Variants in RABGAP1L observed in about 807,000 individuals in gnomAD.
RABGAP1L encodes the protein rab GTPase-activating protein 1-like.
In RABGAP1L, 63 loss-of-function variants were observed where a neutral mutation model predicts 137.7. The ratio of observed to expected loss-of-function variants is 0.46; its 90% CI spans 0.37 to 0.56. The LOEUF (loss-of-function observed/expected upper bound fraction) is 0.56. Among genes scored for constraint, RABGAP1L ranks in the 20% least tolerant of loss-of-function variants. The probability of loss-of-function intolerance (pLI) is 0.00; values close to 1 mark genes in which losing one functional copy is unlikely to be tolerated. For missense variants in RABGAP1L, 1,095 were observed against 1,244.0 expected (o/e 0.88, Z 1.80); for synonymous variants, 431 against 433.7 (o/e 0.99, Z 0.08).
At chr1:174,879,319 C>T (rs1202925519) in intron 19 of RABGAP1L, among the ~76,000 whole-genome samples, 3 of 152,072 alleles carry the variant, frequency 2.0e-5, no homozygotes, top group African/African-American at 4.8e-5. Flanking sequence ...AGGGTGGGCT[C>T]AAGCTCTTGA....
rs146942141 is a variant in RABGAP1L at position 174,967,052 on chromosome 1, T to C, written c.2434-2225T>C. On this transcript the variant is annotated intron_variant, in intron 20 of 25. Coordinates refer to ENST00000681986, the MANE Select transcript of RABGAP1L (RefSeq NM_001366446.1). ...ATAAAGAAAATTCACTACCTACAGT[T>C]AATATTGGTTGTTTATATTGTTACA... Among the ~76,000 whole-genome samples the C allele has an allele frequency of 8.0e-4, 122 of 152,252 alleles. 1 individual carries two copies. The highest frequency in any genetic ancestry group is 2.7e-3 in the African/African-American group (114 of 41,558).
At chr1:174,276,009 T>TA (rs1169840820) in intron 9 of RABGAP1L, 74 bp downstream of exon 9, 74 of 1,269,286 alleles carry the variant, frequency 5.8e-5, no homozygotes, top group Non-Finnish European at 6.9e-5. Context: ...TGTCATGTTT[T>TA]AAAAAAAATT....
Position 174,327,980 on chromosome 1 carries a change from CACACACATATATATATATATATATAT to C in RABGAP1L, c.1465+22855_1465+22880del, listed in dbSNP as rs1680622758. On this transcript the variant is annotated intron_variant, in intron 11 of 25. Transcript: ENST00000681986. ...AAATATATATATATATATATATATA[CACACACATATATATATATATATATAT>C]ATATATATATATATATATACCCAAC... Among the ~76,000 whole-genome samples the C allele has an allele frequency of 1.5e-3, 159 of 105,910 alleles. 6 individuals are homozygous for C. Among genetic ancestry groups the C allele is most frequent in the African/African-American group, 5.8e-3 (142 of 24,276 alleles). The allele number at this position is 105,910 out of a possible 152,430, so 69.5% of individuals were successfully genotyped here. A position where few individuals can be genotyped will look rare whatever the true frequency, so the allele number is the denominator to read the frequency against.
intron 13 of RABGAP1L, among the ~76,000 whole-genome samples, chr1:174,572,387 T>C (rs1171018813): frequency 6.6e-6 from 1 of 152,094 alleles, no homozygotes; most frequent in Non-Finnish European, 1.5e-5. Context: ...ATGTTGTTTT[T>C]GTTTGTTTGT....
At chr1:174,168,834 C>T (rs1665120403) in intron 1 of RABGAP1L, among the ~76,000 whole-genome samples, 1 of 152,116 alleles carries the variant, frequency 6.6e-6, no homozygotes. Flanking sequence ...TGAGGCTAGG[C>T]CTCTTAAGTT....
chr1:174,583,074 T>C (rs530325078), intron 13 of RABGAP1L, among the ~76,000 whole-genome samples: 2 of 152,208 alleles, frequency 1.3e-5, no homozygotes, highest in Non-Finnish European at 2.9e-5. Context: ...TTAACTCTTA[T>C]ATTTCCCAAG....
At chr1:174,434,802 G>GT (rs971549491) in intron 13 of RABGAP1L, among the ~76,000 whole-genome samples, 1 of 151,930 alleles carries the variant, frequency 6.6e-6, no homozygotes, top group African/African-American at 2.4e-5. Flanking sequence ...GTGTCTTCCA[G>GT]TTTTTTCACC....
intron 14 of RABGAP1L, among the ~76,000 whole-genome samples, chr1:174,649,610 T>C (rs1284741095): frequency 6.6e-6 from 1 of 152,010 alleles, no homozygotes; most frequent in Non-Finnish European, 1.5e-5. Flanking sequence ...TAACCCGACC[T>C]TTCACTCATG....
chr1:174,853,627 A>G (rs1309484298), intron 19 of RABGAP1L, among the ~76,000 whole-genome samples: 1 of 152,170 alleles, frequency 6.6e-6, no homozygotes, highest in African/African-American at 2.4e-5. Flanking sequence ...GCTACTCGGG[A>G]GGCTGAGACA....
chr1:174,896,351 A>G (rs1406632459), intron 19 of RABGAP1L, among the ~76,000 whole-genome samples: 2 of 152,186 alleles, frequency 1.3e-5, no homozygotes, highest in African/African-American at 4.8e-5. Flanking sequence ...CCTTTGTCAG[A>G]TGAGTAGATT....
chr1:174,478,274 TGTG>T (rs1453767246), intron 13 of RABGAP1L, among the ~76,000 whole-genome samples: 1 of 151,344 alleles, frequency 6.6e-6, no homozygotes, highest in Non-Finnish European at 1.5e-5. Flanking sequence ...TTTTCGGAGG[TGTG>T]TGTGTGTGGT....
chr1:174,959,822 A>C (rs1026194986), intron 20 of RABGAP1L, among the ~76,000 whole-genome samples: 3 of 152,198 alleles, frequency 2.0e-5, no homozygotes, highest in African/African-American at 7.2e-5. Flanking sequence ...TAAGTTTCTA[A>C]CCATCAACAT....
At chr1:174,339,630 G>A (rs550535560) in intron 11 of RABGAP1L, among the ~76,000 whole-genome samples, 12 of 150,946 alleles carry the variant, frequency 7.9e-5, no homozygotes, top group African/African-American at 1.9e-4. Flanking sequence ...TTTTTGAGAC[G>A]GAGTCTCACT....
chr1:174,413,333 T>C (rs865967875), intron 13 of RABGAP1L, among the ~76,000 whole-genome samples: 6 of 152,290 alleles, frequency 3.9e-5, no homozygotes, highest in Middle Eastern at 6.8e-3. Context: ...TTTTTAAAGA[T>C]ATTTCTCTCT....
At chr1:174,396,857 G>A (rs1025606268) in intron 13 of RABGAP1L, among the ~76,000 whole-genome samples, 2 of 151,970 alleles carry the variant, frequency 1.3e-5, no homozygotes, top group Non-Finnish European at 2.9e-5. Context: ...CAAGAGATAG[G>A]GCTGGGCTCA....
intron 14 of RABGAP1L, among the ~76,000 whole-genome samples, chr1:174,681,200 G>A (rs1678039764): frequency 6.6e-6 from 1 of 152,138 alleles, no homozygotes; most frequent in Non-Finnish European, 1.5e-5. Context: ...TTTGAAGTTT[G>A]AACCTCCATT....
chr1:174,312,067 T>A (rs367742731), intron 11 of RABGAP1L, among the ~76,000 whole-genome samples: 5 of 152,222 alleles, frequency 3.3e-5, no homozygotes, highest in African/African-American at 1.2e-4. Context: ...AGTACACATA[T>A]CTTTTTGCTA....
At chr1:174,818,116 T>C (rs1191597601) in intron 19 of RABGAP1L, among the ~76,000 whole-genome samples, 1 of 152,186 alleles carries the variant, frequency 6.6e-6, no homozygotes, top group Non-Finnish European at 1.5e-5. Context: ...GAGCTAAAAG[T>C]AGACATTTGG....
intron 5 of RABGAP1L, chr1:174,244,790 GTTAA>G (rs1227370237): frequency 2.0e-5 from 3 of 152,154 alleles, no homozygotes; most frequent in African/African-American, 7.2e-5. Flanking sequence ...CTTTTAAAGT[GTTAA>G]TTGAGTCTTT....
Sources: allele counts gnomAD v4.1 joint callset (sites outside exome capture counted in the v4.1 genomes callset), GRCh38; gene constraint gnomAD v4.1.1; transcripts MANE v1.5; gene names NCBI Gene and HGNC (gene_info 2026-07-23, HGNC 2026-07-21).